NTRK3: variants seen among roughly 807,000 people sequenced by gnomAD.
The protein encoded by NTRK3 is NT-3 growth factor receptor.
Under a neutral mutation model 91.7 loss-of-function variants are expected in NTRK3, and 24 were observed. That is an observed-to-expected ratio of 0.26 (90% CI 0.19 to 0.37). NTRK3 has a LOEUF of 0.37. Among genes scored for constraint, NTRK3 ranks in the 10% least tolerant of loss-of-function variants. The pLI is 1.00. For missense variants in NTRK3, 880 were observed against 1,068.9 expected, an observed-to-expected ratio of 0.82 and a Z score of 2.46; for synonymous variants, 483 against 404.0, an observed-to-expected ratio of 1.20 and a Z score of -2.34.
exon 19 of NTRK3, chr15:87,873,149 A>G: frequency 4.3e-6 from 1 of 232,210 alleles, no homozygotes; most frequent in Non-Finnish European, 8.5e-6. Flanking sequence ...GCACTAGTGT[A>G]TTCCGCAAAG....
At chr15:88,211,459 C>A (rs1268712189) in intron 3 of NTRK3, among the ~76,000 whole-genome samples, 3 of 152,146 alleles carry the variant, frequency 2.0e-5, no homozygotes, top group Admixed American at 6.6e-5. Context: ...TTAAATAGTG[C>A]CACTACAGCC....
chr15:87,919,059 G>A (rs951484280), intron 17 of NTRK3, among the ~76,000 whole-genome samples: 4 of 152,186 alleles, frequency 2.6e-5, no homozygotes, highest in Middle Eastern at 3.2e-3. Context: ...TTTCCATGCA[G>A]TGGCAGACAA....
rs1162313163 is a variant in NTRK3 at position 88,255,723 on chromosome 15, G to A, written c.248+183C>T. Among the ~76,000 whole-genome samples the A allele has an allele frequency of 6.6e-6, 1 of 152,126 alleles. No individual in the cohort carries two copies. Among genetic ancestry groups the A allele is most frequent in the African/African-American group, 2.4e-5 (1 of 41,452 alleles). ...AGCCGGATCGCGCCTCGCCAGGGCCGGAGTCACCTGGAATGCGCAGCCGGA... is the reference window on the plus strand; with the variant it reads ...AGCCGGATCGCGCCTCGCCAGGGCCAGAGTCACCTGGAATGCGCAGCCGGA... On this transcript the variant is annotated intron_variant, in intron 3 of 18. Transcript: ENST00000394480. This position sits in a 1 kb window ranked among gnomAD's most constrained non-coding sequence, Gnocchi z 4.3.
intron 14 of NTRK3, among the ~76,000 whole-genome samples, chr15:87,970,679 T>C (rs913222028): frequency 3.3e-5 from 5 of 152,338 alleles, no homozygotes; most frequent in Non-Finnish European, 5.9e-5. Context: ...GAGCTGGCCA[T>C]ATTGTGCAAC....
intron 17 of NTRK3, among the ~76,000 whole-genome samples, chr15:87,896,445 T>C (rs1036231909): frequency 4.1e-5 from 6 of 145,688 alleles, no homozygotes; most frequent in African/African-American, 1.6e-4. Flanking sequence ...CACTCCAGCC[T>C]GGTGACAGGG....
chr15:87,981,907 A>G (rs781142276), intron 14 of NTRK3, among the ~76,000 whole-genome samples: 5 of 152,354 alleles, frequency 3.3e-5, no homozygotes, highest in South Asian at 2.1e-4. Context: ...CTTCCTTGCC[A>G]TTGTTAGGGC....
intron 5 of NTRK3, among the ~76,000 whole-genome samples, chr15:88,168,595 C>T (rs907821264): frequency 1.3e-5 from 2 of 152,244 alleles, no homozygotes; most frequent in African/African-American, 4.8e-5. Flanking sequence ...GCGAAGGTTT[C>T]TGAGCTGCAA....
chr15:88,094,475 C>CAAAAAAAAAAAAAA, intron 13 of NTRK3, among the ~76,000 whole-genome samples: 1 of 30,330 alleles, frequency 3.3e-5, no homozygotes, highest in Non-Finnish European at 7.3e-5. Context: ...GACTCCGTCT[C>CAAAAAAAAAAAAAA]AAAAAAAAAA....
intron 5 of NTRK3, among the ~76,000 whole-genome samples, chr15:88,177,335 G>C (rs566974195): frequency 3.3e-5 from 5 of 152,310 alleles, no homozygotes; most frequent in East Asian, 1.9e-4. Context: ...GCAGACAAAA[G>C]TGAAGGTGTG....
chr15:88,072,093 C>A (rs1260546504), intron 13 of NTRK3, among the ~76,000 whole-genome samples: 4 of 149,160 alleles, frequency 2.7e-5, no homozygotes, highest in Non-Finnish European at 6.0e-5. Context: ...GTAACCTCCG[C>A]CTCCCGGGTT....
intron 3 of NTRK3, among the ~76,000 whole-genome samples, chr15:88,250,543 C>T (rs1379204811): frequency 6.6e-6 from 1 of 152,186 alleles, no homozygotes; most frequent in Non-Finnish European, 1.5e-5. Flanking sequence ...CTGGCCCCTG[C>T]GAGGGGGCTT....
At chr15:87,863,994 T>TACACACACACAC (rs879080380) in exon 19 of NTRK3, 184 of 218,406 alleles carry the variant, frequency 8.4e-4, no homozygotes, top group African/African-American at 4.0e-3. Flanking sequence ...CACACACACA[T>TACACACACACAC]ACACACACAC....
chr15:88,016,399 A>G (rs1424733711), intron 14 of NTRK3, among the ~76,000 whole-genome samples: 1 of 152,244 alleles, frequency 6.6e-6, no homozygotes, highest in African/African-American at 2.4e-5. Flanking sequence ...TTAAATTTAC[A>G]TCATGAATTG....
intron 6 of NTRK3, among the ~76,000 whole-genome samples, chr15:88,138,410 A>C (rs983957993): frequency 4.6e-5 from 7 of 152,296 alleles, no homozygotes; most frequent in African/African-American, 1.7e-4. Flanking sequence ...ACTCTGTCTC[A>C]AGAAAAAAGA....
At chr15:88,187,846 A>C (rs1364370639) in intron 3 of NTRK3, among the ~76,000 whole-genome samples, 7 of 151,898 alleles carry the variant, frequency 4.6e-5, no homozygotes, top group Non-Finnish European at 7.4e-5. Context: ...AGGCAGGAGA[A>C]TCGCTTGAAT....
chr15:87,960,491 C>CTT (rs143023323), intron 14 of NTRK3, among the ~76,000 whole-genome samples: 22 of 146,314 alleles, frequency 1.5e-4, no homozygotes, highest in East Asian at 1.0e-3. Context: ...TCCCCCCATC[C>CTT]TTTTTTTTTT....
intron 3 of NTRK3, among the ~76,000 whole-genome samples, chr15:88,184,633 G>A (rs939622100): frequency 2.0e-5 from 3 of 152,166 alleles, no homozygotes; most frequent in African/African-American, 7.2e-5. Context: ...GTTTTCCTCT[G>A]TTCCCCTTCT....
At chr15:88,134,604 C>T (rs983101839) in intron 10 of NTRK3, among the ~76,000 whole-genome samples, 1 of 152,318 alleles carries the variant, frequency 6.6e-6, no homozygotes, top group East Asian at 1.9e-4. Flanking sequence ...GAGGGTTAAA[C>T]TGGACACACT....
At chr15:88,137,856 T>A (rs1179969679) in intron 6 of NTRK3, among the ~76,000 whole-genome samples, 1 of 152,072 alleles carries the variant, frequency 6.6e-6, no homozygotes, top group Non-Finnish European at 1.5e-5. Flanking sequence ...ATTGAGACCA[T>A]CCTGACCAAC....
Sources: gnomAD v4.1 joint callset for allele counts (sites outside exome capture counted in the v4.1 genomes callset) on GRCh38, gnomAD v4.1.1 for gene constraint, Gnocchi (gnomAD v3.1) non-coding constraint, MANE v1.5 for transcripts, NCBI Gene and HGNC (gene_info 2026-07-23, HGNC 2026-07-21) for gene names.